GLMN: variants seen among roughly 807,000 people sequenced by gnomAD.
GLMN encodes the protein glomulin.
A neutral mutation model predicts 87.8 loss-of-function variants in GLMN; 75 were observed. The observed-to-expected ratio is 0.85, with a 90% CI of 0.71 to 1.04. The LOEUF (loss-of-function observed/expected upper bound fraction) is 1.04, where lower values mean the gene tolerates loss of function less well. Ranked by LOEUF, GLMN falls within the 50% of genes least tolerant of loss-of-function variation. The probability of loss-of-function intolerance (pLI) is 0.00; values close to 1 mark genes in which losing one functional copy is unlikely to be tolerated. For synonymous variants in GLMN, 206 were observed against 221.6 expected (o/e 0.93, Z 0.63); for missense variants, 588 against 658.8 (o/e 0.89, Z 1.18).
intron 16 of GLMN, among the ~76,000 whole-genome samples, chr1:92,252,038 TCTGCCCGCCTCAGCCTCCCAA>T (rs969953645): frequency 2.6e-5 from 4 of 152,264 alleles, no homozygotes; most frequent in Admixed American, 2.6e-4. Context: ...CCTCAGGTGA[TCTGCCCGCCTCAGCCTCCCAA>T]AGTGCTGGGA....
chr1:92,316,821 C>T, the GLMN span, among the ~76,000 whole-genome samples: 11 of 152,184 alleles, frequency 7.2e-5, no homozygotes, highest in African/African-American at 2.4e-4. Flanking sequence ...CTTTCTAAAA[C>T]AGCACCTAGC....
At chr1:92,292,730 TTC>T (rs1326338780) in intron 3 of GLMN, among the ~76,000 whole-genome samples, 1 of 138,106 alleles carries the variant, frequency 7.2e-6, no homozygotes, top group African/African-American at 2.6e-5. Flanking sequence ...GTCTTTTCTT[TTC>T]TTTTTTTTTT....
intron 16 of GLMN, among the ~76,000 whole-genome samples, chr1:92,254,465 A>T (rs1274944364): frequency 2.6e-5 from 4 of 152,154 alleles, no homozygotes; most frequent in Non-Finnish European, 4.4e-5. Context: ...ACACATAATC[A>T]TCAGATTCAC....
the GLMN span, among the ~76,000 whole-genome samples, chr1:92,317,310 C>T: frequency 6.6e-6 from 1 of 152,052 alleles, no homozygotes; most frequent in Non-Finnish European, 1.5e-5. Context: ...AATTCGAGAC[C>T]AGCCTGGCCA....
intron 7 of GLMN, among the ~76,000 whole-genome samples, chr1:92,277,593 T>C (rs897086194): frequency 3.9e-5 from 6 of 152,136 alleles, no homozygotes; most frequent in African/African-American, 1.2e-4. Context: ...GGGCTGAATA[T>C]TAAGTTGATT....
At chr1:92,308,172 C>A in the GLMN span, among the ~76,000 whole-genome samples, 1 of 152,058 alleles carries the variant, frequency 6.6e-6, no homozygotes, top group Non-Finnish European at 1.5e-5. Flanking sequence ...CTGACAACAG[C>A]ACCTGTGATG....
the GLMN span, among the ~76,000 whole-genome samples, chr1:92,335,422 A>G: frequency 6.6e-6 from 1 of 152,214 alleles, no homozygotes; most frequent in Non-Finnish European, 1.5e-5. Flanking sequence ...TACTTTAGAA[A>G]ATGAGGCAGT....
At chr1:92,346,036 C>A in the GLMN span, 1 of 572,616 alleles carries the variant, frequency 1.7e-6, no homozygotes, top group Admixed American at 3.2e-5. Context: ...CTATTTTGTG[C>A]CTTATTTTCC....
the GLMN span, among the ~76,000 whole-genome samples, chr1:92,346,520 TTTTCG>T: frequency 6.6e-6 from 1 of 152,308 alleles, no homozygotes; most frequent in African/African-American, 2.4e-5. Flanking sequence ...CAGAATAGTC[TTTTCG>T]TTTCATTTTT....
chr1:92,339,553 C>T, the GLMN span, among the ~76,000 whole-genome samples: 1 of 152,044 alleles, frequency 6.6e-6, no homozygotes, highest in Non-Finnish European at 1.5e-5. Flanking sequence ...GGCAGCCAGT[C>T]AATAATTTTA....
intron 7 of GLMN, among the ~76,000 whole-genome samples, chr1:92,284,366 G>T (rs1648466832): frequency 6.6e-6 from 1 of 152,258 alleles, no homozygotes; most frequent in African/African-American, 2.4e-5. Flanking sequence ...AACAAGCAAT[G>T]GGGAAAGGAT....
intron 7 of GLMN, among the ~76,000 whole-genome samples, chr1:92,280,524 A>G (rs1352722347): frequency 6.6e-6 from 1 of 152,204 alleles, no homozygotes; most frequent in Non-Finnish European, 1.5e-5. Flanking sequence ...CAGAGCAGAA[A>G]AGCTGAAAAT....
chr1:92,289,377 A>G (rs1265600971), intron 5 of GLMN, among the ~76,000 whole-genome samples: 3 of 152,122 alleles, frequency 2.0e-5, no homozygotes, highest in Non-Finnish European at 4.4e-5. Flanking sequence ...ATAACAGACT[A>G]TGTGTAACAG....
chr1:92,313,355 T>C, the GLMN span, among the ~76,000 whole-genome samples: 22 of 152,258 alleles, frequency 1.4e-4, no homozygotes, highest in African/African-American at 5.3e-4. Flanking sequence ...TTAGCAGGCA[T>C]GAAAACAACA....
chr1:92,340,114 G>A, the GLMN span, among the ~76,000 whole-genome samples: 3 of 152,162 alleles, frequency 2.0e-5, no homozygotes, highest in South Asian at 2.1e-4. Flanking sequence ...CTTTATTTTG[G>A]TAGGAGGTGT....
At chr1:92,321,113 C>T in the GLMN span, among the ~76,000 whole-genome samples, 1 of 150,840 alleles carries the variant, frequency 6.6e-6, no homozygotes, top group African/African-American at 2.5e-5. Context: ...GGCCATCTCT[C>T]AAAACACATC....
chr1:92,370,270 T>C, the GLMN span, among the ~76,000 whole-genome samples: 3 of 152,184 alleles, frequency 2.0e-5, no homozygotes, highest in African/African-American at 7.2e-5. Flanking sequence ...ACAATATTTA[T>C]ATTATGGGGC....
the GLMN span, among the ~76,000 whole-genome samples, chr1:92,329,976 A>T: frequency 6.8e-4 from 104 of 152,328 alleles, no homozygotes; most frequent in East Asian, 5.6e-3. Context: ...AAGGAATGAT[A>T]CACTAATCAT....
chr1:92,305,449 A>AAAAAAAAAAAG, the GLMN span, among the ~76,000 whole-genome samples: 1 of 148,814 alleles, frequency 6.7e-6, no homozygotes, highest in Non-Finnish European at 1.5e-5. Context: ...AAAAAAAAAA[A>AAAAAAAAAAAG]AAGACAATAT....
Sources: gnomAD v4.1 joint callset for allele counts (sites outside exome capture counted in the v4.1 genomes callset) on GRCh38, gnomAD v4.1.1 for gene constraint, MANE v1.5 for transcripts, NCBI Gene and HGNC (gene_info 2026-07-23, HGNC 2026-07-21) for gene names.